TMEM184C: variants seen among roughly 807,000 people sequenced by gnomAD.
The protein encoded by TMEM184C is transmembrane protein 34.
In TMEM184C, 25 loss-of-function variants were observed where a neutral mutation model predicts 54.5. The observed-to-expected ratio is 0.46, with a 90% CI of 0.33 to 0.64. TMEM184C has a LOEUF of 0.64. Ranked by LOEUF, TMEM184C falls within the 30% of genes least tolerant of loss-of-function variation. The probability of loss-of-function intolerance (pLI) is 0.02; values close to 1 mark genes in which losing one functional copy is unlikely to be tolerated. For synonymous variants in TMEM184C, 148 were observed against 181.5 expected (o/e 0.82, Z 1.49); for missense variants, 335 against 520.3 (o/e 0.64, Z 3.46).
At chr4:147,624,147 T>C (rs1389617974) in intron 3 of TMEM184C, 49 bp downstream of exon 3, 2 of 1,461,844 alleles carry the variant, frequency 1.4e-6, no homozygotes, top group African/African-American at 2.8e-5. Context: ...TGTTTGATGA[T>C]ACTATAATTA....
chr4:147,630,927 C>T (rs1159922472), intron 6 of TMEM184C, among the ~76,000 whole-genome samples: 1 of 152,060 alleles, frequency 6.6e-6, no homozygotes. Context: ...ACACCGCTCT[C>T]AGGAAAAATT....
At chr4:147,625,799 G>A (rs1038625815) in intron 4 of TMEM184C, among the ~76,000 whole-genome samples, 1 of 152,176 alleles carries the variant, frequency 6.6e-6, no homozygotes, top group African/African-American at 2.4e-5. Flanking sequence ...CACCTAGACA[G>A]AACCGATTCA....
chr4:147,622,768 G>A (rs562984974), intron 1 of TMEM184C, among the ~76,000 whole-genome samples: 1 of 152,010 alleles, frequency 6.6e-6, no homozygotes, highest in Non-Finnish European at 1.5e-5. Context: ...CTTTTGGTTT[G>A]TTTTTGTTTT....
intron 4 of TMEM184C, among the ~76,000 whole-genome samples, chr4:147,627,550 G>A (rs1160835099): frequency 6.6e-6 from 1 of 152,212 alleles, no homozygotes; most frequent in Non-Finnish European, 1.5e-5. Flanking sequence ...GATTACAGGC[G>A]TGAGGATGGC....
Position 147,624,850 on chromosome 4 carries a change from G to T in TMEM184C, c.338G>T (p.Cys113Phe). 1 of 1,613,844 alleles carries T rather than the reference G, an allele frequency of 6.2e-7. No individual in the cohort carries two copies. The highest frequency in any genetic ancestry group is 8.5e-7 in the Non-Finnish European group (1 of 1,179,850). The change falls in exon 4 of 10, where the codon TGC (cysteine) becomes TTC (phenylalanine). Residue 113 changes from cysteine to phenylalanine, a missense_variant. Physicochemically the swap from Cys to Phe is radical, Grantham distance 205. Transcript: ENST00000296582. The stretch of plus-strand genomic sequence containing the variant: ...GGAATTGCAATATATGTGGATACCT[G>T]CAGAGAATGCTATGAAGCTTATGTA... Reference protein sequence around the residue: ...YPGIAIYVDTCRECYEAYVIY... With the variant: ...YPGIAIYVDTFRECYEAYVIY...
chr4:147,628,528 T>A, intron 5 of TMEM184C, 93 bp downstream of exon 5: 1 of 1,004,116 alleles, frequency 1.0e-6, no homozygotes. Flanking sequence ...AATGTGCTTA[T>A]TTATAATGCA....
chr4:147,626,808 A>G (rs188857133), intron 4 of TMEM184C, among the ~76,000 whole-genome samples: 1 of 152,312 alleles, frequency 6.6e-6, no homozygotes, highest in East Asian at 1.9e-4. Flanking sequence ...CAATGAAGGA[A>G]GAAGGACAGG....
chr4:147,630,413 T>C (rs1199852446), intron 6 of TMEM184C, among the ~76,000 whole-genome samples: 1 of 152,086 alleles, frequency 6.6e-6, no homozygotes, highest in African/African-American at 2.4e-5. Flanking sequence ...ATTCTGTTTC[T>C]GGGAATGTAT....
At chr4:147,629,766 C>G in intron 6 of TMEM184C, 74 bp downstream of exon 6, 1 of 1,016,446 alleles carries the variant, frequency 9.8e-7, no homozygotes, top group Non-Finnish European at 1.4e-6. Context: ...GACAAAGTTT[C>G]TTCTTAGGAT....
Position 147,634,172 on chromosome 4 carries a change from GGACA to G in TMEM184C, c.1057_1060del (p.Thr353SerfsTer52). Reference sequence around the variant, plus strand: ...AACAGAAAACTTTATATTAAAGGACGGACAGTCAGGGGACATCCCAGGAAAAAAT... The same window carrying G: ...AACAGAAAACTTTATATTAAAGGACGGTCAGGGGACATCCCAGGAAAAAAT... On this transcript the variant is annotated frameshift_variant, in exon 10 of 10. Coordinates refer to ENST00000296582, the MANE Select transcript of TMEM184C (RefSeq NM_018241.3). LOFTEE classifies it high-confidence loss of function. The G allele has an allele frequency of 1.2e-6, 2 of 1,612,122 alleles. No individual in the cohort carries two copies. Among genetic ancestry groups the G allele is most frequent in the Non-Finnish European group, 1.7e-6 (2 of 1,179,060 alleles).
At chr4:147,632,416 C>G (rs1184592440) in intron 7 of TMEM184C, 1 of 153,016 alleles carries the variant, frequency 6.5e-6, no homozygotes, top group East Asian at 1.9e-4. Flanking sequence ...ATTGTAGATA[C>G]AGTTCTTTGT....
At chr4:147,618,140 G>A (rs1732633909) in intron 1 of TMEM184C, 61 bp downstream of exon 1, 2 of 1,607,268 alleles carry the variant, frequency 1.2e-6, no homozygotes, top group Non-Finnish European at 1.7e-6. Flanking sequence ...GGTTGGGAAA[G>A]AGACACCCTT....
rs767762656 is a variant in TMEM184C at position 147,633,836 on chromosome 4, T to C, written c.951T>C (p.Tyr317=). 5.0e-6 allele frequency: 8 copies of C among 1,613,938 alleles called. No homozygotes were observed. Among genetic ancestry groups the C allele is most frequent in the Admixed American group, 3.3e-5 (2 of 60,010 alleles). The change falls in exon 9 of 10, where the codon TAT becomes TAC. Residue 317 remains tyrosine, a synonymous_variant. Transcript: ENST00000296582. ...AHHYTFSYKP[Y]VQEAEEGSCF... is the part of the protein sequence containing the mutation. Reference sequence around the variant, plus strand: ...ATTACACATTCTCATATAAACCATATGTCCAAGAAGCAGAAGAGGGCTCAT... The same window carrying C: ...ATTACACATTCTCATATAAACCATACGTCCAAGAAGCAGAAGAGGGCTCAT...
At chr4:147,628,258 A>G in intron 4 of TMEM184C, 103 bp from the exon 5 acceptor site, 6 of 843,850 alleles carry the variant, frequency 7.1e-6, no homozygotes, top group Non-Finnish European at 1.1e-5. Context: ...TTAACTGTAA[A>G]TATGGTATCA....
chr4:147,634,326 C>T lies in TMEM184C; in HGVS notation c.1209C>T (p.His403=). 6.2e-7 allele frequency: 1 copy of T among 1,614,064 alleles called. No homozygotes were observed. The highest frequency in any genetic ancestry group is 8.5e-7 in the Non-Finnish European group (1 of 1,179,998). Residue 403 remains histidine, a synonymous_variant, in exon 10 of 10, where the codon CAC becomes CAT. Coordinates refer to ENST00000296582, the MANE Select transcript of TMEM184C (RefSeq NM_018241.3). Reference sequence around the variant, plus strand: ...TGGGTCACTACCAAGGGTTTGGACACACTGTGACTCCCCAGACTACACCTA... The same window carrying T: ...TGGGTCACTACCAAGGGTTTGGACATACTGTGACTCCCCAGACTACACCTA... ...SPMGHYQGFG[H]TVTPQTTPTT...
chr4:147,627,003 C>T (rs1732826901), intron 4 of TMEM184C, among the ~76,000 whole-genome samples: 1 of 152,168 alleles, frequency 6.6e-6, no homozygotes, highest in South Asian at 2.1e-4. Context: ...CTAAACTGAA[C>T]AGAATTCTTG....
In TMEM184C at chr4:147,623,906, G is replaced by A; in HGVS notation, c.196G>A (p.Val66Met). The change falls in exon 2 of 10, where the codon GTG becomes ATG. Residue 66 changes from valine (V) to methionine (M), a missense_variant. Physicochemically the swap from Val to Met is conservative, Grantham distance 21. Coordinates refer to ENST00000296582, the MANE Select transcript of TMEM184C (RefSeq NM_018241.3). ...LLLTIPISLW[V>M]ILQHLVHYTQ... is the part of the protein sequence containing the mutation. ...GTTGACTATTCCTATATCACTGTGG[G>A]TGATATTGCAACACTTAGTGCATTA... 2 of 1,613,914 alleles carry A rather than the reference G, an allele frequency of 1.2e-6. No homozygotes were observed. Among genetic ancestry groups the A allele is most frequent in the Non-Finnish European group, 1.7e-6 (2 of 1,179,884 alleles).
chr4:147,626,007 T>C (rs1021439537), intron 4 of TMEM184C, among the ~76,000 whole-genome samples: 2 of 152,060 alleles, frequency 1.3e-5, no homozygotes, highest in African/African-American at 2.4e-5. Flanking sequence ...GAGTCAAAGC[T>C]GTCCACTTAT....
At position 147,617,837 on chromosome 4, in the gene TMEM184C, C is replaced by T. The variant is rs1687670598; in HGVS notation, c.-120C>T. ...AGGCGGCTCGAGCTGTTCGTAAAGT[C>T]GCCCGACAGCTTTTTCTCCGTAGTA... On this transcript the variant is annotated 5_prime_UTR_variant, in exon 1 of 10. Transcript: ENST00000296582. The T allele has an allele frequency of 6.9e-7, 1 of 1,443,428 alleles. No individual in the cohort carries two copies. The highest frequency in any genetic ancestry group is 9.6e-7 in the Non-Finnish European group (1 of 1,040,226). The allele number at this position is 1,443,428 out of a possible 1,614,324, so 89.4% of individuals were successfully genotyped here. A position where few individuals can be genotyped will look rare whatever the true frequency, so the allele number is the denominator to read the frequency against.
Sources: gnomAD v4.1 joint callset for allele counts (sites outside exome capture counted in the v4.1 genomes callset) on GRCh38, gnomAD v4.1.1 for gene constraint, MANE v1.5 for transcripts, NCBI Gene and HGNC (gene_info 2026-07-23, HGNC 2026-07-21) for gene names.